MEOX2: variants seen among roughly 807,000 people sequenced by gnomAD.
The protein encoded by MEOX2 is mesenchyme homeobox 2, also known as homeobox protein MOX-2.
In MEOX2, 11 loss-of-function variants were observed where a neutral mutation model predicts 27.0. The observed-to-expected ratio is 0.41, with a 90% CI of 0.26 to 0.68. The LOEUF is 0.68. Ranked by LOEUF, MEOX2 falls within the 30% of genes least tolerant of loss-of-function variation. MEOX2 has a pLI of 0.33. For synonymous variants in MEOX2, 189 were observed against 155.4 expected, an observed-to-expected ratio of 1.22 and a Z score of -1.61; for missense variants, 436 against 385.4, an observed-to-expected ratio of 1.13 and a Z score of -1.10.
intron 1 of MEOX2, chr7:15,681,880 A>G (rs888592894): frequency 1.3e-5 from 2 of 151,788 alleles, no homozygotes; most frequent in Non-Finnish European, 3.0e-5. Context: ...TGAACTATAA[A>G]TGAAGAAATT....
chr7:15,673,439 G>A (rs10046550), intron 1 of MEOX2, among the ~76,000 whole-genome samples: 115,949 of 151,942 alleles, frequency 0.76, 44,868 homozygotes, highest in African/African-American at 0.89. Flanking sequence ...TCTGGCAGGC[G>A]TCATAGAACT....
chr7:15,632,760 T>C (rs1277841663), intron 1 of MEOX2, among the ~76,000 whole-genome samples: 1 of 151,942 alleles, frequency 6.6e-6, no homozygotes, highest in South Asian at 2.1e-4. Flanking sequence ...AAATAAACTT[T>C]GTAGATTTTG....
intron 1 of MEOX2, among the ~76,000 whole-genome samples, chr7:15,672,086 C>T (rs550374098): frequency 6.6e-6 from 1 of 151,014 alleles, no homozygotes; most frequent in East Asian, 1.9e-4. Context: ...GAGCAAGACT[C>T]CGTTTAAAAA....
At chr7:15,656,037 G>T (rs1280030543) in intron 1 of MEOX2, among the ~76,000 whole-genome samples, 1 of 151,656 alleles carries the variant, frequency 6.6e-6, no homozygotes, top group Non-Finnish European at 1.5e-5. Flanking sequence ...TCTGCTTTTG[G>T]TGAATATACA....
At chr7:15,667,607 T>C (rs1304695269) in intron 1 of MEOX2, among the ~76,000 whole-genome samples, 1 of 152,094 alleles carries the variant, frequency 6.6e-6, no homozygotes, top group African/African-American at 2.4e-5. Flanking sequence ...TGCATTGGTG[T>C]GTGTGTTGGG....
intron 1 of MEOX2, among the ~76,000 whole-genome samples, chr7:15,636,716 A>G (rs1166526953): frequency 1.3e-5 from 2 of 152,080 alleles, no homozygotes; most frequent in Non-Finnish European, 2.9e-5. Context: ...TGCTGCTATA[A>G]CAGAATACCT....
chr7:15,672,197 C>G (rs1362814084), intron 1 of MEOX2, among the ~76,000 whole-genome samples: 1 of 152,148 alleles, frequency 6.6e-6, no homozygotes, highest in Non-Finnish European at 1.5e-5. Flanking sequence ...TTATCCATTA[C>G]TACAATGCAG....
chr7:15,614,483 G>C (rs1781090168), intron 2 of MEOX2, among the ~76,000 whole-genome samples: 1 of 151,956 alleles, frequency 6.6e-6, no homozygotes, highest in Non-Finnish European at 1.5e-5. Context: ...TTAGTATATA[G>C]TCTGAAGAAT....
intron 2 of MEOX2, among the ~76,000 whole-genome samples, chr7:15,613,701 A>G (rs1041518056): frequency 9.9e-5 from 15 of 152,248 alleles, no homozygotes; most frequent in South Asian, 8.3e-4. Context: ...AGGTTTATCA[A>G]TGGAATGTTC....
In MEOX2 at chr7:15,612,071, T is replaced by C. The variant is rs1026388917; in HGVS notation, c.*316A>G. On this transcript the variant is annotated 3_prime_UTR_variant, in exon 3 of 3. Transcript: ENST00000262041. ...GACATCTTGAATAAAAAACCGTTCATAGTTTGCTCTTGATAGCAATTTAAT... is the reference window on the plus strand; with the variant it reads ...GACATCTTGAATAAAAAACCGTTCACAGTTTGCTCTTGATAGCAATTTAAT... 9 of 338,806 alleles carry C rather than the reference T, an allele frequency of 2.7e-5. No homozygotes were observed. The highest frequency in any genetic ancestry group is 1.6e-4 in the African/African-American group (8 of 48,594). The allele number at this position is 338,806 out of a possible 1,614,324, so 21.0% of individuals were successfully genotyped here. A position where few individuals can be genotyped will look rare whatever the true frequency, so the allele number is the denominator to read the frequency against.
At chr7:15,662,501 T>C (rs772401835) in intron 1 of MEOX2, among the ~76,000 whole-genome samples, 1 of 152,104 alleles carries the variant, frequency 6.6e-6, no homozygotes, top group South Asian at 2.1e-4. Context: ...TTTTGAATGA[T>C]ACTAGATTCA....
At chr7:15,658,240 C>G (rs1781854248) in intron 1 of MEOX2, among the ~76,000 whole-genome samples, 1 of 152,152 alleles carries the variant, frequency 6.6e-6, no homozygotes, top group South Asian at 2.1e-4. Flanking sequence ...CTGACTTCAG[C>G]CTGCAGGGGA....
chr7:15,668,984 C>T (rs1205628542), intron 1 of MEOX2, among the ~76,000 whole-genome samples: 1 of 152,184 alleles, frequency 6.6e-6, no homozygotes, highest in African/African-American at 2.4e-5. Flanking sequence ...TCTTACCTCT[C>T]CTTACTATGT....
At chr7:15,628,769 T>C (rs1240719085) in intron 1 of MEOX2, among the ~76,000 whole-genome samples, 1 of 152,114 alleles carries the variant, frequency 6.6e-6, no homozygotes, top group Non-Finnish European at 1.5e-5. Context: ...TATGTCAGCA[T>C]CCACATTGGT....
intron 2 of MEOX2, among the ~76,000 whole-genome samples, chr7:15,614,439 C>G (rs1180161973): frequency 1.3e-5 from 2 of 151,606 alleles, no homozygotes; most frequent in Non-Finnish European, 2.9e-5. Flanking sequence ...GTTTGCCTTT[C>G]AAACTGAGGT....
intron 1 of MEOX2, among the ~76,000 whole-genome samples, chr7:15,650,719 TCTC>T (rs1781721251): frequency 6.6e-6 from 1 of 151,966 alleles, no homozygotes; most frequent in Non-Finnish European, 1.5e-5. Flanking sequence ...GGGGGAGACT[TCTC>T]CATACTTTTA....
intron 1 of MEOX2, among the ~76,000 whole-genome samples, chr7:15,678,221 A>G (rs1782233515): frequency 6.6e-6 from 1 of 152,202 alleles, no homozygotes; most frequent in Non-Finnish European, 1.5e-5. Context: ...TATAGGTGAG[A>G]AAATTTTAAT....
At chr7:15,616,474 C>A (rs1781125132) in intron 2 of MEOX2, among the ~76,000 whole-genome samples, 1 of 151,786 alleles carries the variant, frequency 6.6e-6, no homozygotes, top group South Asian at 2.1e-4. Flanking sequence ...AATTTAATTC[C>A]AGGTTATAAA....
chr7:15,663,167 C>G (rs969259309), intron 1 of MEOX2, among the ~76,000 whole-genome samples: 1 of 152,066 alleles, frequency 6.6e-6, no homozygotes, highest in African/African-American at 2.4e-5. Context: ...TTCACAGCCA[C>G]AAATAACATT....
Sources: gnomAD v4.1 joint callset for allele counts (sites outside exome capture counted in the v4.1 genomes callset) on GRCh38, gnomAD v4.1.1 for gene constraint, MANE v1.5 for transcripts, NCBI Gene and HGNC (gene_info 2026-07-23, HGNC 2026-07-21) for gene names.